Variants in NRXN1 observed in about 807,000 individuals in gnomAD.
NRXN1 encodes neurexin 1, also known as neurexin-1.
In NRXN1, 39 loss-of-function variants were observed where a neutral mutation model predicts 150.9. The ratio of observed to expected loss-of-function variants is 0.26; its 90% CI spans 0.20 to 0.34. The LOEUF (loss-of-function observed/expected upper bound fraction) is 0.34. Ranked by LOEUF, NRXN1 falls within the 10% of genes least tolerant of loss-of-function variation. The probability of loss-of-function intolerance (pLI) is 1.00; values close to 1 mark genes in which losing one functional copy is unlikely to be tolerated. For missense variants in NRXN1, 1,815 were observed against 1,949.9 expected, an observed-to-expected ratio of 0.93 and a Z score of 1.30; for synonymous variants, 924 against 757.0, an observed-to-expected ratio of 1.22 and a Z score of -3.62.
intron 17 of NRXN1, among the ~76,000 whole-genome samples, chr2:50,386,815 C>T (rs943865564): frequency 6.6e-6 from 1 of 152,102 alleles, no homozygotes; most frequent in African/African-American, 2.4e-5. Flanking sequence ...TTGAGCAAGG[C>T]ACTTAGCTTG....
chr2:50,793,450 G>A (rs1474614543), intron 5 of NRXN1, among the ~76,000 whole-genome samples: 9 of 152,098 alleles, frequency 5.9e-5, no homozygotes, highest in African/African-American at 1.2e-4. Flanking sequence ...TTGGTGTAAC[G>A]TTCCGCTTAA....
rs754955469 is a variant in NRXN1 at position 50,091,310 on chromosome 2, T to C, written c.3718+13A>G. The C allele has an allele frequency of 5.0e-6, 8 of 1,614,014 alleles. No homozygotes were observed. The highest frequency in any genetic ancestry group is 1.1e-5 in the South Asian group (1 of 91,092). ...TCATAAAATCTTCCCCCGATACATA[T>C]TCACTTGCTTACCTGCAGGGTAGCG... On this transcript the variant is annotated intron_variant, in intron 19 of 22. Coordinates refer to ENST00000401669, the MANE Select transcript of NRXN1 (RefSeq NM_001330078.2).
chr2:50,723,188 T>TA (rs1275939179), intron 5 of NRXN1, among the ~76,000 whole-genome samples: 1 of 152,140 alleles, frequency 6.6e-6, no homozygotes, highest in Non-Finnish European at 1.5e-5. Flanking sequence ...CCAAGATCTA[T>TA]AATTGCACAG....
At chr2:50,827,725 T>C (rs1670662144) in intron 5 of NRXN1, among the ~76,000 whole-genome samples, 1 of 151,926 alleles carries the variant, frequency 6.6e-6, no homozygotes. Context: ...CAAAGGTCTC[T>C]GGTTTTCCTA....
rs76818105 is a variant in NRXN1 at position 50,410,573 on chromosome 2, T to C, written c.3364+54869A>G. 5.8e-3 allele frequency among the ~76,000 whole-genome samples: 889 copies of C among 152,284 alleles called. 10 individuals carry two copies. Among genetic ancestry groups the C allele is most frequent in the African/African-American group, 0.02 (832 of 41,548 alleles). On this transcript the variant is annotated intron_variant, in intron 17 of 22. Coordinates refer to ENST00000401669, the MANE Select transcript of NRXN1 (RefSeq NM_001330078.2). ...GACCAGCCCCATGGATAGTGTGTAA[T>C]CAGTAAAATGAATGAATGAATGAAT...
chr2:50,372,889 C>A (rs1395886076), intron 17 of NRXN1, among the ~76,000 whole-genome samples: 1 of 152,062 alleles, frequency 6.6e-6, no homozygotes, highest in Admixed American at 6.6e-5. Flanking sequence ...AGGCCAACAA[C>A]TGAATACACT....
At chr2:49,946,148 T>C (rs1204678277) in intron 21 of NRXN1, among the ~76,000 whole-genome samples, 2 of 152,222 alleles carry the variant, frequency 1.3e-5, no homozygotes, top group Admixed American at 6.5e-5. Context: ...ATGATGAGCT[T>C]TTTTTCATAT....
At chr2:50,306,277 G>A (rs545780550) in intron 17 of NRXN1, among the ~76,000 whole-genome samples, 3 of 152,170 alleles carry the variant, frequency 2.0e-5, no homozygotes, top group African/African-American at 7.2e-5. Context: ...CTATGGTATT[G>A]GTCTTTTACT....
chr2:50,298,330 T>C (rs1355492059), intron 17 of NRXN1, among the ~76,000 whole-genome samples: 1 of 152,176 alleles, frequency 6.6e-6, no homozygotes, highest in Non-Finnish European at 1.5e-5. Context: ...TACTCTCTTT[T>C]AGACTTTCTA....
intron 15 of NRXN1, among the ~76,000 whole-genome samples, chr2:50,480,682 G>C (rs1259589503): frequency 2.0e-5 from 3 of 152,126 alleles, no homozygotes; most frequent in Non-Finnish European, 4.4e-5. Context: ...TAAGGTTAGA[G>C]TCCTTCTAGT....
chr2:50,653,775 C>T (rs938110100), intron 5 of NRXN1, among the ~76,000 whole-genome samples: 1 of 151,940 alleles, frequency 6.6e-6, no homozygotes, highest in Non-Finnish European at 1.5e-5. Flanking sequence ...TCAGACTTGC[C>T]TGTTCTCTTA....
chr2:50,683,752 G>C (rs1167918688), intron 5 of NRXN1, among the ~76,000 whole-genome samples: 1 of 146,884 alleles, frequency 6.8e-6, no homozygotes, highest in African/African-American at 2.5e-5. Context: ...CTGCCCCAAA[G>C]GACTGACTGT....
At chr2:50,813,965 T>A (rs1227805632) in intron 5 of NRXN1, among the ~76,000 whole-genome samples, 1 of 152,148 alleles carries the variant, frequency 6.6e-6, no homozygotes, top group Non-Finnish European at 1.5e-5. Context: ...AAAGAGGAGA[T>A]CATAGCCAAG....
intron 5 of NRXN1, among the ~76,000 whole-genome samples, chr2:50,629,126 T>C (rs1440852920): frequency 2.6e-5 from 4 of 151,670 alleles, no homozygotes; most frequent in East Asian, 1.9e-4. Flanking sequence ...CATAAGCATA[T>C]ATCCAACAAA....
intron 5 of NRXN1, among the ~76,000 whole-genome samples, chr2:50,784,539 G>A (rs1704819684): frequency 6.6e-6 from 1 of 152,064 alleles, no homozygotes; most frequent in African/African-American, 2.4e-5. Flanking sequence ...TTAAAGTTTG[G>A]GAAGGGAGTG....
At chr2:50,026,723 T>C (rs1270715465) in intron 21 of NRXN1, among the ~76,000 whole-genome samples, 1 of 152,080 alleles carries the variant, frequency 6.6e-6, no homozygotes, top group Non-Finnish European at 1.5e-5. Flanking sequence ...ACTTCCTTTT[T>C]AGATTATGGC....
At chr2:50,697,081 C>G (rs566952499) in intron 5 of NRXN1, among the ~76,000 whole-genome samples, 1 of 152,138 alleles carries the variant, frequency 6.6e-6, no homozygotes, top group East Asian at 1.9e-4. Context: ...AATATGAATA[C>G]CCTGCAACCT....
chr2:50,518,896 T>C (rs2092701337), intron 12 of NRXN1, among the ~76,000 whole-genome samples: 1 of 122,662 alleles, frequency 8.2e-6, no homozygotes, highest in Non-Finnish European at 1.7e-5. Context: ...TTTCCAAAAG[T>C]AAGAAGCATA....
rs1670910338 is a variant in NRXN1 at position 49,935,688 on chromosome 2, A to G, written c.4216+8016T>C. Among the ~76,000 whole-genome samples the G allele has an allele frequency of 2.6e-5, 4 of 152,228 alleles. No homozygotes were observed. In the South Asian group the frequency reaches 8.3e-4, roughly 32 times the overall value. On this transcript the variant is annotated intron_variant, in intron 22 of 22. Transcript: ENST00000401669. Reference sequence around the variant, plus strand: ...CAGCATGTCCTCTAGATTGGAATTCAGAATATGCTTGCTGGCTTACCTCTG... The same window carrying G: ...CAGCATGTCCTCTAGATTGGAATTCGGAATATGCTTGCTGGCTTACCTCTG...
Sources: gnomAD v4.1 joint callset for allele counts (sites outside exome capture counted in the v4.1 genomes callset) on GRCh38, gnomAD v4.1.1 for gene constraint, MANE v1.5 for transcripts, NCBI Gene and HGNC (gene_info 2026-07-23, HGNC 2026-07-21) for gene names.